The following SLCO1A2 variants were observed in gnomAD, a reference collection of about 807,000 sequenced individuals.
SLCO1A2 encodes the protein solute carrier organic anion transporter family member 1A2.
In SLCO1A2, 67 loss-of-function variants were observed where a neutral mutation model predicts 69.0. The observed-to-expected ratio is 0.97, with a 90% CI of 0.80 to 1.19. The LOEUF is 1.19. Among genes scored for constraint, SLCO1A2 ranks in the 50% most tolerant of loss-of-function variants. The pLI, the probability that SLCO1A2 is intolerant of heterozygous loss-of-function variation, is 0.00. For synonymous variants in SLCO1A2, 260 were observed against 265.9 expected, an observed-to-expected ratio of 0.98 and a Z score of 0.22; for missense variants, 787 against 793.7, an observed-to-expected ratio of 0.99 and a Z score of 0.10.
intron 1 of SLCO1A2, among the ~76,000 whole-genome samples, chr12:21,389,520 C>A (rs75464250): frequency 6.6e-6 from 1 of 152,190 alleles, no homozygotes; most frequent in African/African-American, 2.4e-5. Context: ...AATGTCCCAA[C>A]TGGAAACCAG....
chr12:21,286,094 G>C (rs991842913), intron 12 of SLCO1A2, among the ~76,000 whole-genome samples: 1 of 150,998 alleles, frequency 6.6e-6, no homozygotes, highest in African/African-American at 2.4e-5. Flanking sequence ...TGACATGATT[G>C]TTTATCTAGA....
intron 1 of SLCO1A2, among the ~76,000 whole-genome samples, chr12:21,412,617 G>C (rs953839058): frequency 2.0e-5 from 3 of 152,154 alleles, no homozygotes; most frequent in Non-Finnish European, 4.4e-5. Context: ...AAAGGTAAGA[G>C]TAAATTTGTC....
intron 2 of SLCO1A2, among the ~76,000 whole-genome samples, chr12:21,345,492 A>G (rs779972732): frequency 1.4e-4 from 22 of 152,098 alleles, no homozygotes; most frequent in Non-Finnish European, 2.6e-4. Context: ...TTCATCTTAG[A>G]TAAATAACTA....
At chr12:21,273,884 A>T (rs2136084713) in intron 14 of SLCO1A2, 1 of 151,306 alleles carries the variant, frequency 6.6e-6, no homozygotes, top group East Asian at 1.9e-4. Flanking sequence ...CCCCATCAAG[A>T]GAAGTTAATT....
chr12:21,393,935 TCAA>T (rs527814239), intron 1 of SLCO1A2, among the ~76,000 whole-genome samples: 217 of 152,292 alleles, frequency 1.4e-3, no homozygotes, highest in African/African-American at 5.0e-3. Context: ...ATGCCTTCCT[TCAA>T]CAACATCTTC....
chr12:21,395,716 CT>C (rs1211595280), upstream of SLCO1A2, among the ~76,000 whole-genome samples: 1 of 152,196 alleles, frequency 6.6e-6, no homozygotes, highest in Non-Finnish European at 1.5e-5. Flanking sequence ...TCCCTGACCC[CT>C]GACCCCCGAG....
chr12:21,288,170 G>A (rs942328651), intron 12 of SLCO1A2, among the ~76,000 whole-genome samples: 1 of 152,052 alleles, frequency 6.6e-6, no homozygotes, highest in African/African-American at 2.4e-5. Context: ...GGCTGGGCAC[G>A]ATAGCTCATG....
Position 21,275,352 on chromosome 12 carries a change from A to AT in SLCO1A2, c.1675+7dup. On this transcript the variant is annotated splice_region_variant and intron_variant, in intron 13 of 14. Coordinates refer to ENST00000683939, the MANE Select transcript of SLCO1A2 (RefSeq NM_001386879.1). ...TGATAGGATGTGGGAAAAAATAACTATTTTTACCAAATACTCTTGTGCAAA... is the reference window on the plus strand; with the variant it reads ...TGATAGGATGTGGGAAAAAATAACTATTTTTTACCAAATACTCTTGTGCAAA... 6.4e-7 allele frequency: 1 copy of AT among 1,552,952 alleles called. No individual in the cohort carries two copies.
intron 2 of SLCO1A2, among the ~76,000 whole-genome samples, chr12:21,342,705 T>C (rs530547523): frequency 6.6e-6 from 1 of 152,068 alleles, no homozygotes; most frequent in Non-Finnish European, 1.5e-5. Context: ...TTTATAATTA[T>C]CTACAAGCAT....
chr12:21,292,130 C>CA (rs752029655), intron 12 of SLCO1A2, 34 bp downstream of exon 12: 5 of 1,469,320 alleles, frequency 3.4e-6, no homozygotes, highest in East Asian at 2.5e-5. Context: ...TAAATGACCC[C>CA]AAAAAAATAT....
At chr12:21,367,927 A>T (rs1343462119) in intron 2 of SLCO1A2, among the ~76,000 whole-genome samples, 1 of 152,192 alleles carries the variant, frequency 6.6e-6, no homozygotes, top group African/African-American at 2.4e-5. Context: ...AGTTAACAAG[A>T]GATGTTCTCT....
chr12:21,271,535 GTTC>G (rs1942837767), intron 14 of SLCO1A2, among the ~76,000 whole-genome samples: 1 of 150,534 alleles, frequency 6.6e-6, no homozygotes, highest in Admixed American at 6.6e-5. Context: ...ATATTTCATT[GTTC>G]TTTTTCTAAA....
At chr12:21,279,706 C>T (rs113956634) in intron 12 of SLCO1A2, among the ~76,000 whole-genome samples, 10,466 of 152,200 alleles carry the variant, frequency 0.069, 646 homozygotes, top group East Asian at 0.35. Context: ...AAAGGGAGTA[C>T]TTCAATCAGA....
intron 1 of SLCO1A2, among the ~76,000 whole-genome samples, chr12:21,411,675 G>T (rs997201627): frequency 7.4e-6 from 1 of 134,490 alleles, no homozygotes; most frequent in Non-Finnish European, 1.6e-5. Context: ...GGGAAGAAAT[G>T]TCATCAGTAT....
intron 4 of SLCO1A2, among the ~76,000 whole-genome samples, chr12:21,310,076 G>A (rs1001732306): frequency 2.6e-5 from 4 of 152,114 alleles, no homozygotes; most frequent in African/African-American, 9.7e-5. Flanking sequence ...AATGATAAGC[G>A]CATGGTTCAG....
intron 1 of SLCO1A2, among the ~76,000 whole-genome samples, chr12:21,392,752 C>A (rs1698458047): frequency 2.0e-5 from 3 of 152,052 alleles, no homozygotes; most frequent in Non-Finnish European, 4.4e-5. Context: ...TTCTCCAAAC[C>A]AAGGTATATG....
At chr12:21,411,571 G>A (rs1941907632) in intron 1 of SLCO1A2, among the ~76,000 whole-genome samples, 1 of 152,078 alleles carries the variant, frequency 6.6e-6, no homozygotes, top group African/African-American at 2.4e-5. Flanking sequence ...CTTTAGAAGT[G>A]TTCTGTTTGT....
At chr12:21,397,460 TCAA>T (rs1174324873), upstream of SLCO1A2, among the ~76,000 whole-genome samples, 4 of 151,750 alleles carry the variant, frequency 2.6e-5, no homozygotes, top group African/African-American at 9.6e-5. Flanking sequence ...ATTAGACAGA[TCAA>T]CGAGACAGAA....
At chr12:21,337,588 T>C (rs1360839598), upstream of SLCO1A2, among the ~76,000 whole-genome samples, 1 of 151,922 alleles carries the variant, frequency 6.6e-6, no homozygotes, top group Non-Finnish European at 1.5e-5. Context: ...TTCCAGGATC[T>C]TGAAATGGCT....
Sources: allele counts gnomAD v4.1 joint callset (sites outside exome capture counted in the v4.1 genomes callset), GRCh38; gene constraint gnomAD v4.1.1; transcripts MANE v1.5; gene names NCBI Gene and HGNC (gene_info 2026-07-23, HGNC 2026-07-21).